Variants in LINGO2 observed in about 807,000 individuals in gnomAD.
LINGO2 encodes leucine rich repeat and Ig domain containing 2, also known as leucine-rich repeat and immunoglobulin-like domain-containing nogo receptor-interacting protein 2.
Under a neutral mutation model 30.6 loss-of-function variants are expected in LINGO2, and 14 were observed. The observed-to-expected ratio is 0.46, with a 90% CI of 0.30 to 0.72. LINGO2 has a LOEUF of 0.72. LINGO2 is among the 30% of genes least tolerant of loss of function. The pLI is 0.07. For synonymous variants in LINGO2, 317 were observed against 288.5 expected (o/e 1.10, Z -1.00); for missense variants, 729 against 751.7 (o/e 0.97, Z 0.35).
At chr9:28,557,403 T>G (rs1034919455) in intron 1 of LINGO2, among the ~76,000 whole-genome samples, 6 of 152,020 alleles carry the variant, frequency 3.9e-5, no homozygotes, top group Non-Finnish European at 7.3e-5. Flanking sequence ...AAAATGCTCA[T>G]CATCACTGGC....
chr9:28,071,555 A>T (rs889329625), intron 4 of LINGO2, among the ~76,000 whole-genome samples: 5 of 151,408 alleles, frequency 3.3e-5, no homozygotes, highest in Non-Finnish European at 7.4e-5. Flanking sequence ...GATGGTCTTA[A>T]ATGTATACAT....
the LINGO2 span, chr9:27,942,253 T>C: frequency 2.0e-5 from 3 of 152,306 alleles, no homozygotes; most frequent in South Asian, 6.2e-4. Context: ...ACCTGCTTCA[T>C]CTCTGACAGT....
the LINGO2 span, among the ~76,000 whole-genome samples, chr9:29,040,544 GA>G: frequency 1.3e-5 from 2 of 149,940 alleles, no homozygotes; most frequent in Admixed American, 6.7e-5. Context: ...TGATAGTTGT[GA>G]AAACCTCTAG....
the LINGO2 span, among the ~76,000 whole-genome samples, chr9:29,093,020 AAT>A: frequency 1.0e-4 from 7 of 70,330 alleles, 1 homozygote; most frequent in Non-Finnish European, 1.7e-4. Flanking sequence ...TATATATGAT[AAT>A]GTGTGTGTAT....
chr9:28,286,900 A>T (rs1823529475), intron 4 of LINGO2, among the ~76,000 whole-genome samples: 1 of 152,184 alleles, frequency 6.6e-6, no homozygotes, highest in Non-Finnish European at 1.5e-5. Context: ...TCTGTACAAC[A>T]GCCCCCATGA....
chr9:28,144,126 G>T (rs888843650), intron 4 of LINGO2, among the ~76,000 whole-genome samples: 5 of 152,078 alleles, frequency 3.3e-5, no homozygotes, highest in African/African-American at 7.2e-5. Flanking sequence ...AAAATAGTTT[G>T]TATTTCTTAA....
chr9:28,163,698 A>G (rs1023251391), intron 4 of LINGO2, among the ~76,000 whole-genome samples: 2 of 152,190 alleles, frequency 1.3e-5, no homozygotes, highest in Non-Finnish European at 2.9e-5. Flanking sequence ...AGTACAGATT[A>G]TGACGCCAAG....
intron 3 of LINGO2, among the ~76,000 whole-genome samples, chr9:28,303,172 A>G (rs1564107729): frequency 6.6e-6 from 1 of 152,174 alleles, no homozygotes; most frequent in Non-Finnish European, 1.5e-5. Context: ...CAAGAGAGAC[A>G]ATGTCATGGA....
the LINGO2 span, among the ~76,000 whole-genome samples, chr9:28,747,276 G>T: frequency 6.6e-6 from 1 of 151,896 alleles, no homozygotes; most frequent in Non-Finnish European, 1.5e-5. Context: ...GTGAAGATTG[G>T]CTACTGGACA....
chr9:28,344,313 A>G (rs567806173), intron 3 of LINGO2, among the ~76,000 whole-genome samples: 1 of 152,308 alleles, frequency 6.6e-6, no homozygotes, highest in South Asian at 2.1e-4. Context: ...AGCACTAAGA[A>G]AAAATATTTC....
the LINGO2 span, among the ~76,000 whole-genome samples, chr9:28,756,667 C>T: frequency 6.6e-6 from 1 of 151,736 alleles, no homozygotes; most frequent in Non-Finnish European, 1.5e-5. Context: ...GGGTTGGTTT[C>T]CCCCATGCTG....
intron 3 of LINGO2, among the ~76,000 whole-genome samples, chr9:28,371,249 G>A (rs1410357078): frequency 1.3e-5 from 2 of 152,130 alleles, no homozygotes; most frequent in African/African-American, 2.4e-5. Flanking sequence ...ACCCATTGAC[G>A]TTTTAAACTT....
intron 4 of LINGO2, among the ~76,000 whole-genome samples, chr9:28,014,229 C>G (rs993823070): frequency 6.6e-6 from 1 of 152,066 alleles, no homozygotes; most frequent in African/African-American, 2.4e-5. Context: ...GCCTACTGAG[C>G]TGGAAGAAAA....
chr9:28,038,298 A>G (rs189833792), intron 4 of LINGO2, among the ~76,000 whole-genome samples: 124 of 152,328 alleles, frequency 8.1e-4, no homozygotes, highest in Admixed American at 6.1e-3. Context: ...CTAATGAGAA[A>G]AAAGAAGAGG....
Position 28,483,984 on chromosome 9 carries a change from G to C in LINGO2, c.-364-7959C>G, listed in dbSNP as rs995958306. ...TTCAGATTATGGTAACTTAAGTAGA[G>C]AGAAAGAAATACCACCTCAATATAC... is the stretch of plus-strand genomic sequence containing the variant. On this transcript the variant is annotated intron_variant, in intron 1 of 5. Transcript: ENST00000379992. 4.6e-5 allele frequency among the ~76,000 whole-genome samples: 7 copies of C among 152,182 alleles called. No homozygotes were observed. In the East Asian group the frequency reaches 1.2e-3, roughly 25 times the overall value.
the LINGO2 span, among the ~76,000 whole-genome samples, chr9:28,702,556 T>C: frequency 6.6e-6 from 1 of 151,930 alleles, no homozygotes; most frequent in Non-Finnish European, 1.5e-5. Context: ...TTGAGGATTT[T>C]TGCATTTATC....
At chr9:28,034,322 G>A (rs1354409183) in intron 4 of LINGO2, among the ~76,000 whole-genome samples, 1 of 152,186 alleles carries the variant, frequency 6.6e-6, no homozygotes, top group Admixed American at 6.5e-5. Context: ...TCGGAATTCT[G>A]CTTTGTGATC....
chr9:28,278,744 T>C (rs1823218571), intron 4 of LINGO2, among the ~76,000 whole-genome samples: 1 of 152,240 alleles, frequency 6.6e-6, no homozygotes, highest in Non-Finnish European at 1.5e-5. Flanking sequence ...GTTGTTTTCA[T>C]GCCTATTAAC....
In LINGO2 at chr9:28,624,721, C is replaced by CT. The variant is rs199635357; in HGVS notation, c.-365+45478dup. On this transcript the variant is annotated intron_variant, in intron 1 of 5. Transcript: ENST00000379992. ...TTTAGAAGTATTCTCTCCACCTCTA[C>CT]TTTTTTTTGAAATAGTTTGAGTAGG... 5.3e-5 allele frequency among the ~76,000 whole-genome samples: 8 copies of CT among 150,896 alleles called. 1 individual carries two copies. Among genetic ancestry groups the CT allele is most frequent in the Admixed American group, 3.3e-4 (5 of 15,090 alleles).
Sources: gnomAD v4.1 joint callset for allele counts (sites outside exome capture counted in the v4.1 genomes callset) on GRCh38, gnomAD v4.1.1 for gene constraint, MANE v1.5 for transcripts, NCBI Gene and HGNC (gene_info 2026-07-23, HGNC 2026-07-21) for gene names.